The following SATB2 variants were observed in gnomAD, a reference collection of about 807,000 sequenced individuals.
The protein encoded by SATB2 is SATB homeobox 2.
In SATB2, 1 loss-of-function variant was observed where a neutral mutation model predicts 73.4. The ratio of observed to expected loss-of-function variants is 0.01; its 90% CI spans 0.00 to 0.06. The LOEUF (loss-of-function observed/expected upper bound fraction) is 0.06, where lower values mean the gene tolerates loss of function less well. SATB2 is among the 10% of genes least tolerant of loss of function. The pLI, the probability that SATB2 is intolerant of heterozygous loss-of-function variation, is 1.00. For missense variants in SATB2, 459 were observed against 945.8 expected (o/e 0.49, Z 6.75); for synonymous variants, 397 against 367.0 (o/e 1.08, Z -0.93).
intron 6 of SATB2, among the ~76,000 whole-genome samples, chr2:199,353,233 C>A (rs1237191818): frequency 1.4e-5 from 2 of 141,820 alleles, no homozygotes; most frequent in Non-Finnish European, 3.0e-5. Flanking sequence ...CAGCTCACTG[C>A]AACCTCCACC....
At chr2:199,419,813 C>G (rs1221828289) in intron 3 of SATB2, among the ~76,000 whole-genome samples, 1 of 152,132 alleles carries the variant, frequency 6.6e-6, no homozygotes, top group Non-Finnish European at 1.5e-5. Flanking sequence ...TTTCCAGAAG[C>G]ATCAAAGTAT....
chr2:199,285,877 G>T (rs200401836), intron 10 of SATB2, among the ~76,000 whole-genome samples: 13 of 136,280 alleles, frequency 9.5e-5, no homozygotes, highest in Non-Finnish European at 1.2e-4. Flanking sequence ...GCCTTAGTCT[G>T]TTTTTTTTTT....
upstream of SATB2, among the ~76,000 whole-genome samples, chr2:199,459,461 C>T (rs1433937898): frequency 6.6e-6 from 1 of 152,184 alleles, no homozygotes; most frequent in Non-Finnish European, 1.5e-5. This position sits in a 1 kb window ranked among gnomAD's most constrained non-coding sequence, Gnocchi z 4.2. Flanking sequence ...TAAGGAAAAG[C>T]ACGTGGGCAG....
intron 7 of SATB2, among the ~76,000 whole-genome samples, chr2:199,345,841 C>T (rs899642904): frequency 2.0e-5 from 3 of 152,286 alleles, no homozygotes; most frequent in African/African-American, 4.8e-5. Context: ...AGACCTATGA[C>T]GGTTTCCAGT....
At chr2:199,349,374 G>C (rs575067818) in intron 6 of SATB2, among the ~76,000 whole-genome samples, 2 of 152,196 alleles carry the variant, frequency 1.3e-5, no homozygotes, top group South Asian at 4.1e-4. Flanking sequence ...ACATATGAAA[G>C]AAAGTAAAAT....
chr2:199,453,882 G>A (rs565737024), intron 2 of SATB2, among the ~76,000 whole-genome samples: 2 of 151,930 alleles, frequency 1.3e-5, no homozygotes, highest in African/African-American at 4.8e-5. Context: ...TATTATAAAC[G>A]ATATGTATTG....
chr2:199,408,497 G>A (rs904437153), intron 3 of SATB2, among the ~76,000 whole-genome samples: 1 of 152,016 alleles, frequency 6.6e-6, no homozygotes, highest in Non-Finnish European at 1.5e-5. Flanking sequence ...AGATAAGTTC[G>A]TGTCAGAGGG....
chr2:199,329,777 G>T (rs914432930), intron 7 of SATB2, among the ~76,000 whole-genome samples: 7 of 152,162 alleles, frequency 4.6e-5, no homozygotes, highest in African/African-American at 1.7e-4. Flanking sequence ...GGAAAATGCT[G>T]CCAAGTCTAG....
chr2:199,380,539 G>T, intron 4 of SATB2, 52 bp from the exon 5 acceptor site: 1 of 1,599,356 alleles, frequency 6.3e-7, no homozygotes, highest in South Asian at 1.1e-5. Flanking sequence ...CAGGGTCCCT[G>T]ACTGAAGAGG....
intron 10 of SATB2, among the ~76,000 whole-genome samples, chr2:199,277,564 A>G (rs139924834): frequency 2.0e-3 from 308 of 152,310 alleles, no homozygotes; most frequent in African/African-American, 5.1e-3. Flanking sequence ...AGGTTAATCT[A>G]GACAACAAAT....
upstream of SATB2, chr2:199,458,823 C>T (rs1169163184): frequency 1.5e-5 from 5 of 336,966 alleles, no homozygotes; most frequent in Middle Eastern, 9.7e-4. Flanking sequence ...CCTGCGAGCT[C>T]CCCCTCCGCG....
intron 6 of SATB2, among the ~76,000 whole-genome samples, chr2:199,365,713 AATG>A (rs1689263699): frequency 6.6e-6 from 1 of 152,270 alleles, no homozygotes; most frequent in Non-Finnish European, 1.5e-5. Flanking sequence ...ATCTGTTTTT[AATG>A]ATATCAAATT....
chr2:199,353,800 G>T (rs1013074564), intron 6 of SATB2, among the ~76,000 whole-genome samples: 1 of 151,950 alleles, frequency 6.6e-6, no homozygotes, highest in African/African-American at 2.4e-5. Flanking sequence ...CCTAACAGCA[G>T]TGCCTGGTTT....
intron 6 of SATB2, among the ~76,000 whole-genome samples, chr2:199,356,146 C>T (rs1160654727): frequency 6.8e-6 from 1 of 146,806 alleles, no homozygotes; most frequent in East Asian, 2.1e-4. Flanking sequence ...TGAATGAGTG[C>T]TAATGGATTC....
intron 7 of SATB2, among the ~76,000 whole-genome samples, chr2:199,341,715 A>G (rs1688511054): frequency 6.6e-6 from 1 of 152,218 alleles, no homozygotes; most frequent in Non-Finnish European, 1.5e-5. Flanking sequence ...CTTGCAGAGA[A>G]AGTAGACATA....
In SATB2 at chr2:199,318,569, A is replaced by G. The variant is rs140720901; in HGVS notation, c.1542+5234T>C. On this transcript the variant is annotated intron_variant, in intron 9 of 10. Coordinates refer to ENST00000417098, the MANE Select transcript of SATB2 (RefSeq NM_001172509.2). Reference sequence around the variant, plus strand: ...ATGCAAACATATACACATTGAAAGAAAAGATTCTAAAATATTAATACTAAC... The same window carrying G: ...ATGCAAACATATACACATTGAAAGAGAAGATTCTAAAATATTAATACTAAC... 2.0e-5 allele frequency among the ~76,000 whole-genome samples: 3 copies of G among 152,198 alleles called. No homozygotes were observed. In the East Asian group the frequency reaches 5.8e-4, roughly 29 times the overall value.
At chr2:199,298,953 C>CA (rs1444486857) in intron 10 of SATB2, among the ~76,000 whole-genome samples, 2 of 152,180 alleles carry the variant, frequency 1.3e-5, no homozygotes, top group Admixed American at 6.6e-5. Flanking sequence ...GACTTTCTGC[C>CA]ATAAGAGCTC....
At position 199,463,161 on chromosome 2, in the gene SATB2, C is replaced by G. The variant is rs183237565; in HGVS notation, c.-141+1675G>C. Among the ~76,000 whole-genome samples the G allele has an allele frequency of 5.6e-3, 853 of 151,742 alleles. 7 individuals carry two copies. Among genetic ancestry groups the G allele is most frequent in the Middle Eastern group, 0.031 (9 of 294 alleles). ...CACCACCCTACCACACCAGGCAACG[C>G]CCCCCGGGGCGCCCTTCATTCTTTT... On this transcript the variant is annotated intron_variant, in intron 1 of 11. Coordinates refer to the SATB2 transcript ENST00000260926. This position sits in a 1 kb window ranked among gnomAD's most constrained non-coding sequence, Gnocchi z 6.4.
At chr2:199,429,599 A>G (rs961892745) in intron 3 of SATB2, among the ~76,000 whole-genome samples, 2 of 152,218 alleles carry the variant, frequency 1.3e-5, no homozygotes, top group African/African-American at 4.8e-5. Flanking sequence ...CTTATTTGCT[A>G]AGCACGTTTG....
Sources: allele counts gnomAD v4.1 joint callset (sites outside exome capture counted in the v4.1 genomes callset), GRCh38; gene constraint gnomAD v4.1.1; non-coding constraint Gnocchi (gnomAD v3.1); transcripts MANE v1.5; gene names NCBI Gene and HGNC (gene_info 2026-07-23, HGNC 2026-07-21).